The following GMDS variants were observed in gnomAD, a reference collection of about 807,000 sequenced individuals.
The protein encoded by GMDS is GDP-mannose 4,6 dehydratase.
A neutral mutation model predicts 49.9 loss-of-function variants in GMDS; 20 were observed. That is an observed-to-expected ratio of 0.40 (90% CI 0.28 to 0.58). GMDS has a LOEUF of 0.58. GMDS is among the 20% of genes least tolerant of loss of function. GMDS has a pLI of 0.42. For synonymous variants in GMDS, 177 were observed against 178.6 expected, an observed-to-expected ratio of 0.99 and a Z score of 0.07; for missense variants, 362 against 481.4, an observed-to-expected ratio of 0.75 and a Z score of 2.32.
intron 1 of GMDS, among the ~76,000 whole-genome samples, chr6:2,234,990 T>A (rs1433396670): frequency 6.6e-6 from 1 of 152,138 alleles, no homozygotes; most frequent in Admixed American, 6.5e-5. Context: ...CCGGGCGTGG[T>A]GGCACATGCC....
At chr6:2,139,443 T>C (rs1298085428) in intron 1 of GMDS, among the ~76,000 whole-genome samples, 2 of 152,216 alleles carry the variant, frequency 1.3e-5, no homozygotes, top group Non-Finnish European at 2.9e-5. Flanking sequence ...ACTGCTTCCA[T>C]CTTAAAAATC....
chr6:2,032,709 T>C (rs1769043678), intron 4 of GMDS, among the ~76,000 whole-genome samples: 1 of 152,192 alleles, frequency 6.6e-6, no homozygotes, highest in Admixed American at 6.5e-5. Context: ...AGGAGTCTGA[T>C]TTAACCAGTA....
chr6:2,005,831 C>T (rs1369255752), intron 4 of GMDS, among the ~76,000 whole-genome samples: 1 of 152,098 alleles, frequency 6.6e-6, no homozygotes. Flanking sequence ...AAATATGTTC[C>T]CTTCCCTTGG....
chr6:1,896,581 G>C (rs1220114632), intron 7 of GMDS, among the ~76,000 whole-genome samples: 5 of 152,130 alleles, frequency 3.3e-5, no homozygotes, highest in Non-Finnish European at 1.5e-5. Context: ...GGGAGGAGAG[G>C]GGGTGTCAGG....
In GMDS at chr6:1,975,402, C is replaced by T. The variant is rs564061107; in HGVS notation, c.346-14436G>A. 2.6e-5 allele frequency among the ~76,000 whole-genome samples: 4 copies of T among 152,268 alleles called. No homozygotes were observed. In the South Asian group the frequency reaches 8.3e-4, roughly 32 times the overall value. On this transcript the variant is annotated intron_variant, in intron 4 of 10. Transcript: ENST00000380815. Reference sequence around the variant, plus strand: ...TGGGACTGGGAGAATGTTCCAGCTCCCAGTCACCAACAGCAGACTCTGCTG... The same window carrying T: ...TGGGACTGGGAGAATGTTCCAGCTCTCAGTCACCAACAGCAGACTCTGCTG...
At chr6:1,692,323 T>C (rs1344205351) in intron 9 of GMDS, among the ~76,000 whole-genome samples, 1 of 152,230 alleles carries the variant, frequency 6.6e-6, no homozygotes, top group Non-Finnish European at 1.5e-5. Context: ...CCTGTGACCA[T>C]GTGAGTCAGT....
chr6:1,903,706 C>A (rs1200295451), intron 7 of GMDS, among the ~76,000 whole-genome samples: 2 of 152,162 alleles, frequency 1.3e-5, no homozygotes, highest in Admixed American at 1.3e-4. Context: ...ATAGATTTTT[C>A]TTCTTGCCTT....
At chr6:1,821,377 G>A (rs548381078) in intron 7 of GMDS, among the ~76,000 whole-genome samples, 3 of 152,136 alleles carry the variant, frequency 2.0e-5, no homozygotes, top group Admixed American at 2.0e-4. Context: ...TGGTGGGTGG[G>A]GACGGGGGGC....
At chr6:2,190,025 T>G (rs1384631081) in intron 1 of GMDS, among the ~76,000 whole-genome samples, 2 of 152,310 alleles carry the variant, frequency 1.3e-5, no homozygotes, top group Non-Finnish European at 2.9e-5. Flanking sequence ...CTTTCACTAC[T>G]CCCATCTCCT....
chr6:1,714,409 A>T (rs1163053014), intron 9 of GMDS, among the ~76,000 whole-genome samples: 1 of 152,292 alleles, frequency 6.6e-6, no homozygotes, highest in Middle Eastern at 3.4e-3. Flanking sequence ...CATTAAAAAA[A>T]AAAAAGAAAA....
intron 4 of GMDS, among the ~76,000 whole-genome samples, chr6:2,068,242 A>G (rs563530290): frequency 6.6e-6 from 1 of 152,158 alleles, no homozygotes; most frequent in African/African-American, 2.4e-5. Flanking sequence ...CTCCCAATAA[A>G]TTAGGTATTG....
At chr6:2,139,495 A>T (rs1336582587) in intron 1 of GMDS, among the ~76,000 whole-genome samples, 1 of 152,214 alleles carries the variant, frequency 6.6e-6, no homozygotes, top group Non-Finnish European at 1.5e-5. Flanking sequence ...TGCTCGACAG[A>T]CACATGTGGC....
chr6:2,234,806 T>C (rs554921216), intron 1 of GMDS, among the ~76,000 whole-genome samples: 3 of 152,002 alleles, frequency 2.0e-5, no homozygotes, highest in Non-Finnish European at 4.4e-5. Context: ...AGAGAAAGCA[T>C]TGAAATTAAT....
intron 4 of GMDS, among the ~76,000 whole-genome samples, chr6:2,000,245 C>G (rs999804968): frequency 1.3e-5 from 2 of 149,718 alleles, no homozygotes; most frequent in African/African-American, 4.9e-5. Flanking sequence ...CCGTGTTAGC[C>G]AGGATGGTCT....
chr6:1,727,951 T>A (rs993299728), intron 8 of GMDS, among the ~76,000 whole-genome samples: 3 of 152,254 alleles, frequency 2.0e-5, no homozygotes, highest in African/African-American at 7.2e-5. Flanking sequence ...GGATGTTTGG[T>A]AATTTGTTTT....
chr6:1,787,694 C>T (rs765358130), intron 7 of GMDS, among the ~76,000 whole-genome samples: 3 of 152,160 alleles, frequency 2.0e-5, no homozygotes, highest in South Asian at 2.1e-4. Context: ...TTTTCCTGGA[C>T]ACCAAAGACA....
At chr6:1,853,904 A>G (rs1757827130) in intron 7 of GMDS, among the ~76,000 whole-genome samples, 1 of 152,174 alleles carries the variant, frequency 6.6e-6, no homozygotes, top group African/African-American at 2.4e-5. Flanking sequence ...CCCTTCTGAT[A>G]TCAGTGCCAA....
chr6:2,124,649 C>G, intron 2 of GMDS, 38 bp downstream of exon 2: 1 of 1,565,102 alleles, frequency 6.4e-7, no homozygotes. Flanking sequence ...TGCGAGCAAC[C>G]CCACCAGCCT....
At chr6:1,728,044 G>C (rs1429564392) in intron 8 of GMDS, among the ~76,000 whole-genome samples, 1 of 152,220 alleles carries the variant, frequency 6.6e-6, no homozygotes, top group African/African-American at 2.4e-5. Flanking sequence ...TGGTAGGTAG[G>C]ATCAGAGCTA....
Sources: allele counts gnomAD v4.1 joint callset (sites outside exome capture counted in the v4.1 genomes callset), GRCh38; gene constraint gnomAD v4.1.1; transcripts MANE v1.5; gene names NCBI Gene and HGNC (gene_info 2026-07-23, HGNC 2026-07-21).